SGPL1: variants seen among roughly 807,000 people sequenced by gnomAD.
SGPL1 encodes the protein sphingosine-1-phosphate lyase 1, also known as SP-lyase 1.
SGPL1 carries 37 observed loss-of-function variants against 68.9 expected under a neutral mutation model. The observed-to-expected ratio is 0.54, with a 90% CI of 0.41 to 0.71. SGPL1 has a LOEUF of 0.71. Ranked by LOEUF, SGPL1 falls within the 30% of genes least tolerant of loss-of-function variation. SGPL1 has a pLI of 0.00. For synonymous variants in SGPL1, 236 were observed against 248.5 expected (o/e 0.95, Z 0.47); for missense variants, 551 against 704.6 (o/e 0.78, Z 2.47).
chr10:70,830,916 G>A (rs1845523904), intron 2 of SGPL1, among the ~76,000 whole-genome samples: 1 of 152,204 alleles, frequency 6.6e-6, no homozygotes, highest in Non-Finnish European at 1.5e-5. Flanking sequence ...CCAGGCAGAT[G>A]TTATAACTGG....
At chr10:70,834,218 A>G (rs995896987) in intron 2 of SGPL1, among the ~76,000 whole-genome samples, 1 of 152,204 alleles carries the variant, frequency 6.6e-6, no homozygotes, top group Admixed American at 6.5e-5. Context: ...CAAAATACAC[A>G]TTCTGTACTC....
At chr10:70,875,669 A>G in intron 13 of SGPL1, 121 bp downstream of exon 13, 4 of 694,586 alleles carry the variant, frequency 5.8e-6, no homozygotes, top group Non-Finnish European at 9.7e-6. Context: ...TAGCAACTGT[A>G]GTATATAAAG....
At chr10:70,857,205 C>A in intron 5 of SGPL1, 1 of 197,200 alleles carries the variant, frequency 5.1e-6, no homozygotes, top group African/African-American at 2.4e-5. Context: ...TAATAGTTCT[C>A]AAAATTCCTA....
intron 2 of SGPL1, among the ~76,000 whole-genome samples, chr10:70,831,075 A>G (rs767310195): frequency 1.3e-5 from 2 of 152,208 alleles, no homozygotes; most frequent in Non-Finnish European, 1.5e-5. Flanking sequence ...TTAGGGATCT[A>G]GATTACTTTG....
chr10:70,831,736 T>C (rs1183147082), intron 2 of SGPL1, among the ~76,000 whole-genome samples: 2 of 152,164 alleles, frequency 1.3e-5, no homozygotes, highest in African/African-American at 4.8e-5. Flanking sequence ...TACATAGGCA[T>C]GATTGACAAC....
rs752281308 is a variant in SGPL1, at chr10:70,832,056, A to G, written c.28-12417A>G. On this transcript the variant is annotated intron_variant, in intron 2 of 14. Coordinates refer to ENST00000373202, the MANE Select transcript of SGPL1 (RefSeq NM_003901.4). ...CTATGGGGGTTATGAACCAGGAACCATGGATGCAAACCAATATATACGTAT... is the reference window on the plus strand; with the variant it reads ...CTATGGGGGTTATGAACCAGGAACCGTGGATGCAAACCAATATATACGTAT... 4.8e-4 allele frequency among the ~76,000 whole-genome samples: 73 copies of G among 152,240 alleles called. 1 individual carries two copies. The highest frequency in any genetic ancestry group is 8.8e-4 in the Non-Finnish European group (60 of 68,046).
intron 2 of SGPL1, among the ~76,000 whole-genome samples, chr10:70,835,181 T>C (rs1049108245): frequency 2.6e-5 from 4 of 152,216 alleles, no homozygotes; most frequent in African/African-American, 7.2e-5. Flanking sequence ...AACGTTGAGT[T>C]CCTGCTGTGT....
chr10:70,870,722 A>G (rs547830182), intron 9 of SGPL1, among the ~76,000 whole-genome samples: 1 of 152,340 alleles, frequency 6.6e-6, no homozygotes, highest in East Asian at 1.9e-4. Context: ...AGACTGAAGT[A>G]GCATACTCAG....
At chr10:70,834,702 C>T (rs7912398) in intron 2 of SGPL1, among the ~76,000 whole-genome samples, 52,297 of 151,980 alleles carry the variant, frequency 0.34, 9,340 homozygotes, top group South Asian at 0.5. Context: ...TATGCCTTCA[C>T]TGGGAGCGTA....
In SGPL1 at chr10:70,815,973, G is replaced by A. The variant is rs1002209381; in HGVS notation, c.-197G>A. ...ATTTCCGGGAGGGGCGAGGCCGGCG[G>A]CTGCCGGGCCTCCAATCTCGGCGGC... On this transcript the variant is annotated 5_prime_UTR_variant, in exon 1 of 15. Coordinates refer to ENST00000373202, the MANE Select transcript of SGPL1 (RefSeq NM_003901.4). 1.3e-5 allele frequency: 2 copies of A among 151,420 alleles called. No homozygotes were observed. Among genetic ancestry groups the A allele is most frequent in the African/African-American group, 2.4e-5 (1 of 41,292 alleles). 9.4% of individuals were successfully genotyped at this position (151,420 alleles called of 1,614,324 possible).
chr10:70,837,923 C>T lies in SGPL1; in HGVS notation c.28-6550C>T, dbSNP rs558719616. 5.7e-4 allele frequency among the ~76,000 whole-genome samples: 87 copies of T among 152,176 alleles called. 4 individuals carry two copies. The South Asian group carries it at 0.016, about 29-fold the overall frequency. On this transcript the variant is annotated intron_variant, in intron 2 of 14. Coordinates refer to ENST00000373202, the MANE Select transcript of SGPL1 (RefSeq NM_003901.4). ...CATGTCAGAAGGGCAAGTGAGCACG[C>T]GAGCTAGAGGGGATGGGCCAAGATG...
intron 5 of SGPL1, among the ~76,000 whole-genome samples, chr10:70,856,912 A>C (rs1845973831): frequency 6.6e-6 from 1 of 152,216 alleles, no homozygotes; most frequent in Non-Finnish European, 1.5e-5. Context: ...GTCAGATCTT[A>C]TATTCTACTC....
At chr10:70,861,530 C>A (rs984221248) in intron 7 of SGPL1, among the ~76,000 whole-genome samples, 19 of 152,204 alleles carry the variant, frequency 1.2e-4, no homozygotes, top group Non-Finnish European at 4.4e-5. Context: ...TGCCTGGGCT[C>A]CCACTTTGGC....
At chr10:70,824,757 T>G (rs1435281748) in intron 2 of SGPL1, among the ~76,000 whole-genome samples, 1 of 152,170 alleles carries the variant, frequency 6.6e-6, no homozygotes, top group African/African-American at 2.4e-5. Flanking sequence ...TAGTGCTTAA[T>G]GTAGACAGGA....
At chr10:70,846,606 G>A (rs527986939) in intron 3 of SGPL1, among the ~76,000 whole-genome samples, 13 of 151,922 alleles carry the variant, frequency 8.6e-5, no homozygotes, top group Non-Finnish European at 1.2e-4. Context: ...ACTCTCTCCC[G>A]CATCCCCTGG....
chr10:70,861,928 C>T lies in SGPL1; in HGVS notation c.615+2429C>T, dbSNP rs550556694. On this transcript the variant is annotated intron_variant, in intron 7 of 14. Transcript: ENST00000373202. ...CCCGCCATGCCTGAGCCTCCCACCCCCTCCGTGGGCTCCTGTGTGGCCCCA... is the reference window on the plus strand; with the variant it reads ...CCCGCCATGCCTGAGCCTCCCACCCTCTCCGTGGGCTCCTGTGTGGCCCCA... Among the ~76,000 whole-genome samples, 24 of 152,376 alleles carry T rather than the reference C, an allele frequency of 1.6e-4. 1 individual carries two copies. Among genetic ancestry groups the T allele is most frequent in the Middle Eastern group, 3.4e-3 (1 of 294 alleles).
At chr10:70,832,325 A>T (rs1183570904) in intron 2 of SGPL1, among the ~76,000 whole-genome samples, 2 of 152,198 alleles carry the variant, frequency 1.3e-5, no homozygotes, top group African/African-American at 4.8e-5. Flanking sequence ...AAATCTCTAG[A>T]GAAATAGCTT....
chr10:70,856,224 G>A (rs1458372918), intron 5 of SGPL1, among the ~76,000 whole-genome samples: 1 of 152,170 alleles, frequency 6.6e-6, no homozygotes, highest in African/African-American at 2.4e-5. Context: ...TCGAACTCCT[G>A]AACTCAGGTG....
At chr10:70,827,830 C>T (rs1190791936) in intron 2 of SGPL1, among the ~76,000 whole-genome samples, 1 of 152,102 alleles carries the variant, frequency 6.6e-6, no homozygotes, top group Admixed American at 6.5e-5. Context: ...CCAGTTGATA[C>T]CTACCAAAGG....
Sources: gnomAD v4.1 joint callset for allele counts (sites outside exome capture counted in the v4.1 genomes callset) on GRCh38, gnomAD v4.1.1 for gene constraint, MANE v1.5 for transcripts, NCBI Gene and HGNC (gene_info 2026-07-23, HGNC 2026-07-21) for gene names.